The following SPAG16 variants were observed in gnomAD, a reference collection of about 807,000 sequenced individuals.
The protein encoded by SPAG16 is sperm-associated antigen 16 protein.
SPAG16 carries 86 observed loss-of-function variants against 80.4 expected under a neutral mutation model. The observed-to-expected ratio is 1.07, with a 90% CI of 0.90 to 1.28. The LOEUF (loss-of-function observed/expected upper bound fraction) is 1.28. Among genes scored for constraint, SPAG16 ranks in the 50% most tolerant of loss-of-function variants. The pLI is 0.00. For synonymous variants in SPAG16, 294 were observed against 265.9 expected, an observed-to-expected ratio of 1.11 and a Z score of -1.03; for missense variants, 870 against 765.3, an observed-to-expected ratio of 1.14 and a Z score of -1.61.
chr2:213,799,310 T>C (rs1481866280), intron 10 of SPAG16, among the ~76,000 whole-genome samples: 3 of 152,194 alleles, frequency 2.0e-5, no homozygotes, highest in African/African-American at 4.8e-5. Context: ...TATTCCTAAA[T>C]ATTTTATTCT....
At chr2:213,877,690 T>C (rs1469901446) in intron 11 of SPAG16, among the ~76,000 whole-genome samples, 1 of 152,148 alleles carries the variant, frequency 6.6e-6, no homozygotes, top group African/African-American at 2.4e-5. Flanking sequence ...GATACCATAA[T>C]ATCCACTTAT....
chr2:214,193,427 G>GTGTGTGT (rs1491127730), intron 15 of SPAG16, among the ~76,000 whole-genome samples: 11,979 of 71,778 alleles, frequency 0.17, 254 homozygotes, highest in South Asian at 0.24. Flanking sequence ...GTGTGTGTAT[G>GTGTGTGT]AGAGAGAGAG....
chr2:213,918,779 G>A (rs2078081767), intron 11 of SPAG16, among the ~76,000 whole-genome samples: 1 of 152,084 alleles, frequency 6.6e-6, no homozygotes, highest in Admixed American at 6.6e-5. Context: ...CTAATACATA[G>A]ACTTTTTATT....
At chr2:213,852,700 T>C (rs2074967884) in intron 10 of SPAG16, among the ~76,000 whole-genome samples, 1 of 152,184 alleles carries the variant, frequency 6.6e-6, no homozygotes, top group South Asian at 2.1e-4. Context: ...TCATCAAAAA[T>C]AACATTCTCC....
intron 9 of SPAG16, among the ~76,000 whole-genome samples, chr2:213,411,999 A>G (rs1475217522): frequency 6.6e-6 from 1 of 152,188 alleles, no homozygotes; most frequent in Non-Finnish European, 1.5e-5. Context: ...ATATGTCAGT[A>G]TGTTCAATTC....
intron 11 of SPAG16, among the ~76,000 whole-genome samples, chr2:213,908,577 C>G (rs140312966): frequency 6.6e-6 from 1 of 152,070 alleles, no homozygotes; most frequent in Admixed American, 6.6e-5. Flanking sequence ...CTCTCTCATT[C>G]GACGAGAATT....
At chr2:213,523,217 A>G (rs1046620697) in intron 10 of SPAG16, among the ~76,000 whole-genome samples, 3 of 152,138 alleles carry the variant, frequency 2.0e-5, no homozygotes, top group Non-Finnish European at 4.4e-5. Flanking sequence ...CTGATTGTTT[A>G]TAAAGGGCTT....
chr2:214,231,154 A>G (rs1688675181), intron 15 of SPAG16, among the ~76,000 whole-genome samples: 2 of 151,996 alleles, frequency 1.3e-5, no homozygotes, highest in Admixed American at 6.6e-5. Context: ...TGCTTAATGG[A>G]AACAACTAAG....
At chr2:214,246,933 A>C (rs1689891469) in intron 15 of SPAG16, among the ~76,000 whole-genome samples, 2 of 152,176 alleles carry the variant, frequency 1.3e-5, no homozygotes, top group Non-Finnish European at 2.9e-5. Context: ...ATGTTAGTTA[A>C]GTGCCTTGAA....
In SPAG16 at chr2:214,092,823, T is replaced by C. The variant is rs371306035; in HGVS notation, c.1528-15373T>C. Among the ~76,000 whole-genome samples, 38 of 152,198 alleles carry C rather than the reference T, an allele frequency of 2.5e-4. No homozygotes were observed. In the East Asian group the frequency reaches 4.8e-3, roughly 19 times the overall value. ...TGGGAGCTAAGGGAGATGGCAAGGCTGGAGGAGGAAGCCAGGACCTGGCCT... is the reference window on the plus strand; with the variant it reads ...TGGGAGCTAAGGGAGATGGCAAGGCCGGAGGAGGAAGCCAGGACCTGGCCT... On this transcript the variant is annotated intron_variant, in intron 13 of 15. Coordinates refer to ENST00000331683, the MANE Select transcript of SPAG16 (RefSeq NM_024532.5).
chr2:214,265,240 G>A (rs1037938432), intron 15 of SPAG16, among the ~76,000 whole-genome samples: 3 of 152,066 alleles, frequency 2.0e-5, no homozygotes, highest in African/African-American at 7.2e-5. Flanking sequence ...TTGAGTTCCT[G>A]TTGGCTCCAC....
chr2:214,077,727 C>T (rs1237919397), intron 13 of SPAG16, among the ~76,000 whole-genome samples: 1 of 152,164 alleles, frequency 6.6e-6, no homozygotes, highest in East Asian at 1.9e-4. Context: ...GATGATGTAC[C>T]CTAGAAATAT....
chr2:214,241,635 T>C (rs796448008), intron 15 of SPAG16, among the ~76,000 whole-genome samples: 8 of 152,314 alleles, frequency 5.3e-5, no homozygotes, highest in African/African-American at 1.9e-4. Flanking sequence ...TGATGGGAAA[T>C]GTCTGCATTC....
intron 15 of SPAG16, among the ~76,000 whole-genome samples, chr2:214,255,671 C>A (rs1690629762): frequency 6.6e-6 from 1 of 151,940 alleles, no homozygotes; most frequent in South Asian, 2.1e-4. Flanking sequence ...TCTCCATCTA[C>A]CTCTCTCAGC....
In SPAG16 at chr2:214,046,699, CAA is replaced by C. The variant is rs935049724; in HGVS notation, c.1527+32623_1527+32624del. Among the ~76,000 whole-genome samples the C allele has an allele frequency of 2.6e-5, 4 of 151,958 alleles. No individual in the cohort carries two copies. In the South Asian group the frequency reaches 6.2e-4, roughly 24 times the overall value. ...GGAAGTCCTAGTTAGAGCAATCAGACAAGAGAACGAAATAAAAAATATCCAAA... is the reference window on the plus strand; with the variant it reads ...GGAAGTCCTAGTTAGAGCAATCAGACGAGAACGAAATAAAAAATATCCAAA... On this transcript the variant is annotated intron_variant, in intron 13 of 15. Transcript: ENST00000331683.
intron 15 of SPAG16, among the ~76,000 whole-genome samples, chr2:214,254,538 GT>G: frequency 6.6e-6 from 1 of 152,154 alleles, no homozygotes; most frequent in Non-Finnish European, 1.5e-5. Context: ...AAAACAATCG[GT>G]CAGCTTAGTC....
chr2:213,727,345 A>T (rs2066815394), intron 10 of SPAG16, among the ~76,000 whole-genome samples: 2 of 152,204 alleles, frequency 1.3e-5, no homozygotes, highest in Admixed American at 6.5e-5. Context: ...TTTAAAAATA[A>T]TTTAATGGTG....
chr2:213,770,395 G>A (rs1236937901), intron 10 of SPAG16, among the ~76,000 whole-genome samples: 2 of 152,006 alleles, frequency 1.3e-5, no homozygotes, highest in African/African-American at 4.8e-5. Flanking sequence ...GCTCTCATCA[G>A]CATGCCTTTT....
intron 15 of SPAG16, among the ~76,000 whole-genome samples, chr2:214,180,324 G>T (rs1182856808): frequency 6.7e-6 from 1 of 148,642 alleles, no homozygotes; most frequent in Non-Finnish European, 1.5e-5. Context: ...GAAATTTTTT[G>T]TTCTAGCCCT....
Sources: allele counts gnomAD v4.1 joint callset (sites outside exome capture counted in the v4.1 genomes callset), GRCh38; gene constraint gnomAD v4.1.1; transcripts MANE v1.5; gene names NCBI Gene and HGNC (gene_info 2026-07-23, HGNC 2026-07-21).